The following TFEB variants were observed in gnomAD, a reference collection of about 807,000 sequenced individuals.
The protein encoded by TFEB is T-cell transcription factor EB.
In TFEB, 12 loss-of-function variants were observed where a neutral mutation model predicts 48.0. The ratio of observed to expected loss-of-function variants is 0.25; its 90% CI spans 0.16 to 0.40. The LOEUF is 0.40. Ranked by LOEUF, TFEB falls within the 10% of genes least tolerant of loss-of-function variation. The probability of loss-of-function intolerance (pLI) is 1.00; values close to 1 mark genes in which losing one functional copy is unlikely to be tolerated. For missense variants in TFEB, 509 were observed against 640.3 expected, an observed-to-expected ratio of 0.79 and a Z score of 2.21; for synonymous variants, 244 against 261.4, an observed-to-expected ratio of 0.93 and a Z score of 0.64.
intron 1 of TFEB, among the ~76,000 whole-genome samples, chr6:41,728,710 CT>C (rs1771322854): frequency 6.6e-6 from 1 of 152,038 alleles, no homozygotes; most frequent in Non-Finnish European, 1.5e-5. Flanking sequence ...TGCTGGCAGA[CT>C]CTCTGTGGGG....
rs746900347 is a variant in TFEB at position 41,735,361 on chromosome 6, G to A, written c.-34C>T. 2.0e-6 allele frequency: 2 copies of A among 985,274 alleles called. No homozygotes were observed. The highest frequency in any genetic ancestry group is 2.4e-6 in the Non-Finnish European group (2 of 830,180). The allele number at this position is 985,274 out of a possible 1,614,324, so 61.0% of individuals were successfully genotyped here. ...CCGGTCCCGCTCACCTCGCTCTGAA[G>A]GTCAATCTGTCCGCCGCCCGCGCCC... is the stretch of plus-strand genomic sequence containing the variant. On this transcript the variant is annotated 5_prime_UTR_variant, in exon 1 of 9. Coordinates refer to ENST00000373033, the MANE Select transcript of TFEB (RefSeq NM_001271944.2).
chr6:41,712,759 G>A (rs755953093), intron 1 of TFEB, among the ~76,000 whole-genome samples: 3 of 152,026 alleles, frequency 2.0e-5, no homozygotes, highest in Non-Finnish European at 4.4e-5. Flanking sequence ...TGCACCCAGC[G>A]TTACTCTGGA....
At chr6:41,690,245 C>T (rs962386508) in intron 3 of TFEB, among the ~76,000 whole-genome samples, 1 of 152,122 alleles carries the variant, frequency 6.6e-6, no homozygotes, top group East Asian at 1.9e-4. Flanking sequence ...ATTCTCCTGC[C>T]TCAGCCTCCC....
At position 41,690,241 on chromosome 6, in the gene TFEB, C is replaced by T. The variant is rs369010941; in HGVS notation, c.468+422G>A. Among the ~76,000 whole-genome samples, 11 of 152,216 alleles carry T rather than the reference C, an allele frequency of 7.2e-5. No individual in the cohort carries two copies. In the East Asian group the frequency reaches 1.2e-3, roughly 16 times the overall value. ...CGCCTTCCCGATTCAAGTGATTCTC[C>T]TGCCTCAGCCTCCCAAGTAGCTGGG... On this transcript the variant is annotated intron_variant, in intron 3 of 8. Coordinates refer to ENST00000373033, the MANE Select transcript of TFEB (RefSeq NM_001271944.2).
In TFEB at chr6:41,687,075, C is replaced by T. The variant is rs772336319; in HGVS notation, c.803+19G>A. 5.0e-6 allele frequency: 8 copies of T among 1,613,206 alleles called. No individual in the cohort carries two copies. In the South Asian group the frequency reaches 7.7e-5, roughly 16 times the overall value. On this transcript the variant is annotated intron_variant, in intron 7 of 8. Coordinates refer to ENST00000373033, the MANE Select transcript of TFEB (RefSeq NM_001271944.2). ...TGCCCACCCAGACCCATCACCCTCC[C>T]CCTCAGAAACCTGCTCACAGGTCAT... is the stretch of plus-strand genomic sequence containing the variant.
In TFEB at chr6:41,732,973, G is replaced by A. The variant is rs546894196; in HGVS notation, c.-23+2377C>T. On this transcript the variant is annotated intron_variant, in intron 1 of 8. Coordinates refer to ENST00000373033, the MANE Select transcript of TFEB (RefSeq NM_001271944.2). The stretch of plus-strand genomic sequence containing the variant: ...GAAACCCCTGTTGCCTGCAGAAACC[G>A]AGTTGACTTTGAAAAGGAAGAGACA... The A allele has an allele frequency of 1.0e-4, 101 of 985,484 alleles. No homozygotes were observed. In the African/African-American group the frequency reaches 1.5e-3, roughly 15 times the overall value. 61.0% of individuals were successfully genotyped at this position (985,484 alleles called of 1,614,324 possible).
chr6:41,696,642 C>T (rs1317087216), intron 1 of TFEB, among the ~76,000 whole-genome samples: 3 of 151,840 alleles, frequency 2.0e-5, no homozygotes, highest in South Asian at 4.2e-4. Flanking sequence ...TGCAGTGAGC[C>T]GAGATCATGC....
intron 1 of TFEB, among the ~76,000 whole-genome samples, chr6:41,702,657 G>C (rs886481305): frequency 6.6e-6 from 1 of 152,176 alleles, no homozygotes; most frequent in Non-Finnish European, 1.5e-5. Context: ...GGGAAGGTGA[G>C]GCCTAAGACT....
Position 41,691,011 on chromosome 6 carries a change from TC to T in TFEB, c.202del (p.Glu68ArgfsTer3). 1 of 1,574,168 alleles carries T rather than the reference TC, an allele frequency of 6.4e-7. No homozygotes were observed. The highest frequency in any genetic ancestry group is 8.6e-7 in the Non-Finnish European group (1 of 1,157,660). Reference sequence around the variant, plus strand: ...CAGAACAGGCCCTACCTTCAACACCTCCCCAGGCACAGGTGGTGGCGACTGG... The same window carrying T: ...CAGAACAGGCCCTACCTTCAACACCTCCCAGGCACAGGTGGTGGCGACTGG... ...HFQSPPPVPG[E>X]VLKVQSYLEN... is the part of the protein sequence containing the mutation. On this transcript the variant is annotated frameshift_variant, in exon 2 of 9. Coordinates refer to ENST00000373033, the MANE Select transcript of TFEB (RefSeq NM_001271944.2). LOFTEE classifies it high-confidence loss of function. This position sits in a 1 kb window ranked among gnomAD's most constrained non-coding sequence, Gnocchi z 5.2.
chr6:41,724,752 G>C lies in TFEB; in HGVS notation c.-23+10598C>G, dbSNP rs989841653. ...GAAATGTTTTTGTCCTGGGCCCCAA[G>C]GCTCCCAGAGAACCCCTCATTTCTG... is the stretch of plus-strand genomic sequence containing the variant. On this transcript the variant is annotated intron_variant, in intron 1 of 8. Coordinates refer to ENST00000373033, the MANE Select transcript of TFEB (RefSeq NM_001271944.2). This position sits in a 1 kb window ranked among gnomAD's most constrained non-coding sequence, Gnocchi z 4.4. Among the ~76,000 whole-genome samples the C allele has an allele frequency of 6.6e-6, 1 of 152,198 alleles. No homozygotes were observed. Among genetic ancestry groups the C allele is most frequent in the Non-Finnish European group, 1.5e-5 (1 of 68,028 alleles).
At chr6:41,693,054 G>A (rs1221468041) in intron 1 of TFEB, among the ~76,000 whole-genome samples, 1 of 152,218 alleles carries the variant, frequency 6.6e-6, no homozygotes, top group Non-Finnish European at 1.5e-5. Flanking sequence ...CTGGGAGGCT[G>A]AGTGCATGAG....
At chr6:41,688,263 CAACCA>C (rs1041576659) in intron 4 of TFEB, 72 of 489,874 alleles carry the variant, frequency 1.5e-4, no homozygotes, top group Non-Finnish European at 2.4e-4. Context: ...GAGAGTGATC[CAACCA>C]ATAATATGTG....
intron 1 of TFEB, chr6:41,732,928 T>A (rs1401380240): frequency 1.0e-6 from 1 of 985,366 alleles, no homozygotes; most frequent in Non-Finnish European, 1.2e-6. Context: ...AACCTGGTTT[T>A]CATGACAGCT....
intron 1 of TFEB, among the ~76,000 whole-genome samples, chr6:41,702,717 C>G (rs1019222231): frequency 6.6e-6 from 1 of 152,208 alleles, no homozygotes. Flanking sequence ...CCCACAAGCT[C>G]TGACTCTCTG....
chr6:41,700,483 AAG>A (rs1196550528), intron 1 of TFEB, among the ~76,000 whole-genome samples: 3 of 147,972 alleles, frequency 2.0e-5, no homozygotes, highest in African/African-American at 7.7e-5. Flanking sequence ...AAAAAAAAAA[AAG>A]ATCAAGAAAC....
intron 1 of TFEB, among the ~76,000 whole-genome samples, chr6:41,699,321 A>G (rs1769771951): frequency 6.6e-6 from 1 of 152,232 alleles, no homozygotes. Flanking sequence ...TCCCTGCATA[A>G]GTTCCTTTGG....
intron 1 of TFEB, among the ~76,000 whole-genome samples, chr6:41,709,181 A>C (rs764772964): frequency 7.9e-5 from 12 of 152,208 alleles, no homozygotes; most frequent in Non-Finnish European, 1.3e-4. Context: ...TTCCGCACTT[A>C]GAACTAGGCA....
chr6:41,712,221 C>G (rs1014559604), intron 1 of TFEB, among the ~76,000 whole-genome samples: 4 of 152,210 alleles, frequency 2.6e-5, no homozygotes, highest in African/African-American at 9.7e-5. Context: ...CACAAGCACA[C>G]AGGACTCCAA....
intron 1 of TFEB, among the ~76,000 whole-genome samples, chr6:41,706,664 C>T (rs926129152): frequency 8.5e-5 from 13 of 152,260 alleles, no homozygotes; most frequent in Admixed American, 7.8e-4. Flanking sequence ...CCCACCCCAT[C>T]TCTGTCAGGG....
Sources: gnomAD v4.1 joint callset for allele counts (sites outside exome capture counted in the v4.1 genomes callset) on GRCh38, gnomAD v4.1.1 for gene constraint, Gnocchi (gnomAD v3.1) non-coding constraint, MANE v1.5 for transcripts, NCBI Gene and HGNC (gene_info 2026-07-23, HGNC 2026-07-21) for gene names.